The following MS4A7 variants were observed in gnomAD, a reference collection of about 807,000 sequenced individuals.
MS4A7 encodes the protein membrane spanning 4-domains A7, also known as membrane-spanning 4-domains subfamily A member 7.
MS4A7 carries 21 observed loss-of-function variants against 23.5 expected under a neutral mutation model. That is an observed-to-expected ratio of 0.89 (90% CI 0.63 to 1.29). The LOEUF (loss-of-function observed/expected upper bound fraction) is 1.29, where lower values mean the gene tolerates loss of function less well. Among genes scored for constraint, MS4A7 ranks in the 50% most tolerant of loss-of-function variants. MS4A7 has a pLI of 0.00. For synonymous variants in MS4A7, 111 were observed against 107.4 expected, an observed-to-expected ratio of 1.03 and a Z score of -0.21; for missense variants, 263 against 274.2, an observed-to-expected ratio of 0.96 and a Z score of 0.29.
chr11:60,386,917 C>A, intron 4 of MS4A7, 144 bp downstream of exon 4: 1 of 671,180 alleles, frequency 1.5e-6, no homozygotes, highest in Non-Finnish European at 2.4e-6. Context: ...CCTGGCTGTC[C>A]CATTGGTAGA....
intron 3 of MS4A7, among the ~76,000 whole-genome samples, chr11:60,386,228 C>T (rs762159488): frequency 3.3e-5 from 5 of 152,186 alleles, no homozygotes; most frequent in Non-Finnish European, 5.9e-5. Context: ...CACGTCTGAG[C>T]CTGCTCTTCC....
intron 6 of MS4A7, 48 bp from the exon 7 acceptor site, chr11:60,393,739 T>C: frequency 6.9e-7 from 1 of 1,447,370 alleles, no homozygotes; most frequent in Non-Finnish European, 9.6e-7. Context: ...TCTTTTTTAA[T>C]CTCCGAAATC....
intron 1 of MS4A7, among the ~76,000 whole-genome samples, chr11:60,379,910 C>T (rs1228201781): frequency 6.6e-6 from 1 of 152,206 alleles, no homozygotes; most frequent in Non-Finnish European, 1.5e-5. Context: ...CACCACCCAA[C>T]TCCAGAACTT....
chr11:60,385,252 C>T (rs201332733), intron 3 of MS4A7, 30 bp downstream of exon 3: 474 of 1,612,750 alleles, frequency 2.9e-4, no homozygotes, highest in Middle Eastern at 2.3e-3. Flanking sequence ...TAAGAGGGGA[C>T]ATGCTTTATA....
rs1173347082 is a variant in MS4A7, at chr11:60,394,953, G to A, written c.*1092G>A. 1 of 665,282 alleles carries A rather than the reference G, an allele frequency of 1.5e-6. No individual in the cohort carries two copies. The highest frequency in any genetic ancestry group is 2.8e-6 in the Non-Finnish European group (1 of 362,632). 41.2% of individuals were successfully genotyped at this position (665,282 alleles called of 1,614,324 possible). On this transcript the variant is annotated 3_prime_UTR_variant, in exon 7 of 7. Coordinates refer to ENST00000300184, the MANE Select transcript of MS4A7 (RefSeq NM_021201.5). ...TCTCTTCTGTCATTTCAGGGTAGGA[G>A]TCAATGAAGACATCTTAGTCTTAAC...
chr11:60,381,181 C>G (rs1267880955), intron 1 of MS4A7, among the ~76,000 whole-genome samples: 2 of 152,208 alleles, frequency 1.3e-5, no homozygotes, highest in South Asian at 4.1e-4. Flanking sequence ...CTAAGCCTGA[C>G]ACTTTTTCTC....
At chr11:60,389,135 T>C (rs1223363778) in intron 4 of MS4A7, 1 of 459,240 alleles carries the variant, frequency 2.2e-6, no homozygotes, top group African/African-American at 2.0e-5. Context: ...AGAGAGTCAA[T>C]GGGCCAGAAC....
intron 3 of MS4A7, among the ~76,000 whole-genome samples, chr11:60,386,172 C>G (rs7116823): frequency 6.6e-6 from 1 of 152,218 alleles, no homozygotes; most frequent in East Asian, 1.9e-4. Flanking sequence ...ATCTTTAATA[C>G]CACTGAGATT....
chr11:60,386,460 C>T, intron 3 of MS4A7: 1 of 399,232 alleles, frequency 2.5e-6, no homozygotes, highest in Admixed American at 4.4e-5. Context: ...TTTCTCCAGG[C>T]CTCCTCAGTT....
At chr11:60,384,236 TC>T (rs1468993464) in intron 2 of MS4A7, among the ~76,000 whole-genome samples, 1 of 152,194 alleles carries the variant, frequency 6.6e-6, no homozygotes, top group Non-Finnish European at 1.5e-5. Flanking sequence ...CCAGTGGGAT[TC>T]CTTTTTTGCT....
Position 60,394,369 on chromosome 11 carries a change from A to G in MS4A7, c.*508A>G, listed in dbSNP as rs1006008582. The G allele has an allele frequency of 2.0e-5, 3 of 152,722 alleles. No homozygotes were observed. The highest frequency in any genetic ancestry group is 1.3e-4 in the Admixed American group (2 of 15,288). 9.5% of individuals were successfully genotyped at this position (152,722 alleles called of 1,614,324 possible). The stretch of plus-strand genomic sequence containing the variant: ...ATGAGCCATTAGGTGGAAGACAGCA[A>G]AGAGATCTTCTCAAGTGCTTAGGAT... On this transcript the variant is annotated 3_prime_UTR_variant, in exon 7 of 7. Coordinates refer to ENST00000300184, the MANE Select transcript of MS4A7 (RefSeq NM_021201.5).
intron 1 of MS4A7, among the ~76,000 whole-genome samples, chr11:60,380,880 G>C (rs2085421807): frequency 6.6e-6 from 1 of 152,200 alleles, no homozygotes; most frequent in Non-Finnish European, 1.5e-5. Flanking sequence ...AGCTAGCCGG[G>C]CAAGAACAAA....
intron 3 of MS4A7, 52 bp from the exon 4 acceptor site, chr11:60,386,665 G>C: frequency 7.0e-7 from 1 of 1,422,176 alleles, no homozygotes; most frequent in Non-Finnish European, 9.9e-7. Context: ...TGACATGGTG[G>C]GCACATTTCC....
chr11:60,386,867 G>C, intron 4 of MS4A7, 94 bp downstream of exon 4: 1 of 1,137,224 alleles, frequency 8.8e-7, no homozygotes, highest in Non-Finnish European at 1.3e-6. Flanking sequence ...TTACAATTTA[G>C]AGAGAAAAAG....
rs370942063 is a variant in MS4A7, at chr11:60,386,821, G to A, written c.339+48G>A. The A allele has an allele frequency of 1.1e-4, 160 of 1,418,554 alleles. 1 individual carries two copies. Among genetic ancestry groups the A allele is most frequent in the Middle Eastern group, 1.1e-3 (6 of 5,632 alleles). The allele number at this position is 1,418,554 out of a possible 1,614,324, so 87.9% of individuals were successfully genotyped here. On this transcript the variant is annotated intron_variant, in intron 4 of 6. Transcript: ENST00000300184. ...CTCAGCTGGTTGGAATTGAAGGAACGTCAGAGTTAATTCTTCTAGTTTAAA... is the reference window on the plus strand; with the variant it reads ...CTCAGCTGGTTGGAATTGAAGGAACATCAGAGTTAATTCTTCTAGTTTAAA...
chr11:60,379,819 G>A (rs1282501069), intron 1 of MS4A7, among the ~76,000 whole-genome samples: 6 of 152,184 alleles, frequency 3.9e-5, no homozygotes, highest in African/African-American at 9.7e-5. Context: ...ACAGGCATGA[G>A]CCGCTGCACC....
At chr11:60,382,032 C>G (rs1545277) in intron 1 of MS4A7, among the ~76,000 whole-genome samples, 48,192 of 152,148 alleles carry the variant, frequency 0.32, 7,842 homozygotes, top group Middle Eastern at 0.55. Context: ...GGCAGCAGAG[C>G]TGTGGCACCT....
At position 60,386,382 on chromosome 11, in the gene MS4A7, G is replaced by A. The variant is rs866805728; in HGVS notation, c.283-335G>A. The A allele has an allele frequency of 1.2e-4, 29 of 239,010 alleles. No homozygotes were observed. The Admixed American group carries it at 1.6e-3, about 13-fold the overall frequency. 14.8% of individuals were successfully genotyped at this position (239,010 alleles called of 1,614,324 possible). A position where few individuals can be genotyped will look rare whatever the true frequency, so the allele number is the denominator to read the frequency against. ...ATCTCTCTGTCCATTCAAGTCATTGGTCCATCTCAACCTCCTCTCTTTCAA... is the reference window on the plus strand; with the variant it reads ...ATCTCTCTGTCCATTCAAGTCATTGATCCATCTCAACCTCCTCTCTTTCAA... On this transcript the variant is annotated intron_variant, in intron 3 of 6. Transcript: ENST00000300184.
In MS4A7 at chr11:60,393,833, A is replaced by G. The variant is rs1307394453; in HGVS notation, c.695A>G (p.Lys232Arg). Reference protein sequence around the residue: ...TQSQDHIQQVKKSSSRSWI With the variant: ...TQSQDHIQQVRKSSSRSWI ...TCACAAGATCATATCCAACAGGTCA[A>G]AAAGAGTTCTTCACGGTCTTGGATA... is the stretch of plus-strand genomic sequence containing the variant. Residue 232 changes from lysine (K) to arginine (R), a missense_variant, in exon 7 of 7, where the codon AAA (lysine) becomes AGA (arginine). Coordinates refer to ENST00000300184, the MANE Select transcript of MS4A7 (RefSeq NM_021201.5). 1.9e-6 allele frequency: 3 copies of G among 1,611,982 alleles called. No individual in the cohort carries two copies. In the East Asian group the frequency reaches 6.7e-5, roughly 36 times the overall value.
Sources: allele counts gnomAD v4.1 joint callset (sites outside exome capture counted in the v4.1 genomes callset), GRCh38; gene constraint gnomAD v4.1.1; transcripts MANE v1.5; gene names NCBI Gene and HGNC (gene_info 2026-07-23, HGNC 2026-07-21).